B3GALT1: variants seen among roughly 807,000 people sequenced by gnomAD.
The protein encoded by B3GALT1 is beta-1,3-galactosyltransferase 1.
In B3GALT1, 10 loss-of-function variants were observed where a neutral mutation model predicts 23.2. The observed-to-expected ratio is 0.43, with a 90% CI of 0.27 to 0.73. The LOEUF is 0.73. Among genes scored for constraint, B3GALT1 ranks in the 30% least tolerant of loss-of-function variants. B3GALT1 has a pLI of 0.21. For missense variants in B3GALT1, 299 were observed against 405.4 expected (o/e 0.74, Z 2.25); for synonymous variants, 156 against 141.5 (o/e 1.10, Z -0.73).
chr2:167,852,501 TG>T (rs1689922455), intron 4 of B3GALT1, among the ~76,000 whole-genome samples: 1 of 150,698 alleles, frequency 6.6e-6, no homozygotes, highest in African/African-American at 2.5e-5. Flanking sequence ...TGTGTGTGTG[TG>T]TGTACGTGCT....
intron 2 of B3GALT1, among the ~76,000 whole-genome samples, chr2:167,534,216 A>G (rs1271714264): frequency 6.6e-6 from 1 of 151,980 alleles, no homozygotes; most frequent in Non-Finnish European, 1.5e-5. Context: ...GCTTTCTCCC[A>G]TCCTCTCTTT....
chr2:167,631,766 T>A, intron 2 of B3GALT1, among the ~76,000 whole-genome samples: 1 of 132,588 alleles, frequency 7.5e-6, no homozygotes, highest in Admixed American at 8.6e-5. Flanking sequence ...CTCCTTTTCT[T>A]TTCTTTTTTT....
intron 4 of B3GALT1, among the ~76,000 whole-genome samples, chr2:167,821,157 T>G (rs1020076406): frequency 6.6e-6 from 1 of 152,202 alleles, no homozygotes; most frequent in Non-Finnish European, 1.5e-5. Flanking sequence ...TTCACAGCAC[T>G]TTGCAATTGA....
chr2:167,711,045 A>G (rs940130245), intron 3 of B3GALT1, among the ~76,000 whole-genome samples: 1 of 151,406 alleles, frequency 6.6e-6, no homozygotes, highest in Non-Finnish European at 1.5e-5. Flanking sequence ...CTCTCTCCCC[A>G]CTCAAACTCA....
chr2:167,417,051 A>G (rs531123085), intron 1 of B3GALT1, among the ~76,000 whole-genome samples: 4 of 152,086 alleles, frequency 2.6e-5, no homozygotes, highest in Non-Finnish European at 4.4e-5. Context: ...GGCTATGGGG[A>G]TGGAATGAAT....
At chr2:167,730,462 C>G (rs1322628467) in intron 3 of B3GALT1, among the ~76,000 whole-genome samples, 1 of 152,120 alleles carries the variant, frequency 6.6e-6, no homozygotes, top group African/African-American at 2.4e-5. Context: ...TTACAAAATA[C>G]TTTCAAACCC....
chr2:167,504,553 A>T (rs919514103), intron 2 of B3GALT1, among the ~76,000 whole-genome samples: 6 of 152,282 alleles, frequency 3.9e-5, no homozygotes, highest in Admixed American at 3.3e-4. Flanking sequence ...AAAGAAAATT[A>T]CTTATCAGAA....
chr2:167,827,654 G>A (rs981948651), intron 4 of B3GALT1, among the ~76,000 whole-genome samples: 2 of 152,154 alleles, frequency 1.3e-5, no homozygotes, highest in Admixed American at 6.5e-5. Flanking sequence ...TTCTGATGGC[G>A]TGTTTGCATA....
At chr2:167,371,655 T>C (rs1469992212) in intron 1 of B3GALT1, among the ~76,000 whole-genome samples, 4 of 152,074 alleles carry the variant, frequency 2.6e-5, no homozygotes, top group Non-Finnish European at 4.4e-5. Flanking sequence ...GATTATCCAA[T>C]CTAATCCTTA....
intron 2 of B3GALT1, among the ~76,000 whole-genome samples, chr2:167,563,368 A>C (rs1574139796): frequency 8.7e-6 from 1 of 114,464 alleles, no homozygotes. Context: ...TGACTCCCCC[A>C]CCTCCCTCCC....
At chr2:167,564,837 C>T (rs1455137274) in intron 2 of B3GALT1, among the ~76,000 whole-genome samples, 1 of 152,214 alleles carries the variant, frequency 6.6e-6, no homozygotes, top group African/African-American at 2.4e-5. Flanking sequence ...CTACAGACCA[C>T]TGCTCAATGA....
At chr2:167,343,601 C>G (rs1033293504) in intron 1 of B3GALT1, among the ~76,000 whole-genome samples, 5 of 152,134 alleles carry the variant, frequency 3.3e-5, no homozygotes, top group Non-Finnish European at 7.4e-5. Context: ...GCATGATACT[C>G]TGCTCTTAAC....
chr2:167,371,056 G>T (rs1333479900), intron 1 of B3GALT1, among the ~76,000 whole-genome samples: 1 of 152,206 alleles, frequency 6.6e-6, no homozygotes, highest in African/African-American at 2.4e-5. Context: ...CAGCAGTGAT[G>T]TAGTAGAGAT....
intron 4 of B3GALT1, among the ~76,000 whole-genome samples, chr2:167,858,168 G>T (rs967161265): frequency 2.0e-5 from 3 of 151,882 alleles, no homozygotes; most frequent in Non-Finnish European, 4.4e-5. Context: ...TCACATTAGT[G>T]CTAGTAATGA....
At chr2:167,657,815 A>G (rs1256675674) in intron 3 of B3GALT1, among the ~76,000 whole-genome samples, 1 of 152,178 alleles carries the variant, frequency 6.6e-6, no homozygotes, top group African/African-American at 2.4e-5. Context: ...AATGTATAAT[A>G]TAAAAATCAT....
At chr2:167,495,340 T>A (rs1165833535) in intron 2 of B3GALT1, among the ~76,000 whole-genome samples, 1 of 147,302 alleles carries the variant, frequency 6.8e-6, no homozygotes, top group African/African-American at 2.5e-5. Flanking sequence ...TTTTTTTTTT[T>A]TTTTTTTTTT....
chr2:167,867,923 T>C (rs916989771), intron 4 of B3GALT1, among the ~76,000 whole-genome samples: 1 of 152,172 alleles, frequency 6.6e-6, no homozygotes, highest in African/African-American at 2.4e-5. Context: ...CTCCATCACA[T>C]CTTCATTGGA....
At chr2:167,405,540 G>A (rs1457356162) in intron 1 of B3GALT1, among the ~76,000 whole-genome samples, 1 of 152,010 alleles carries the variant, frequency 6.6e-6, no homozygotes, top group Non-Finnish European at 1.5e-5. Flanking sequence ...CTTATAAGGA[G>A]ATCATTTGCA....
chr2:167,794,206 G>A (rs543495171), intron 3 of B3GALT1, among the ~76,000 whole-genome samples: 4 of 152,192 alleles, frequency 2.6e-5, no homozygotes, highest in East Asian at 1.9e-4. Flanking sequence ...GTTCTTCTGC[G>A]TTTAACACTA....
Sources: allele counts gnomAD v4.1 joint callset (sites outside exome capture counted in the v4.1 genomes callset), GRCh38; gene constraint gnomAD v4.1.1; transcripts MANE v1.5; gene names NCBI Gene and HGNC (gene_info 2026-07-23, HGNC 2026-07-21).